The following PMS2 variants were observed in gnomAD, a reference collection of about 807,000 sequenced individuals.
PMS2 encodes the protein PMS1 homolog 2, mismatch repair system component.
In PMS2, 69 loss-of-function variants were observed where a neutral mutation model predicts 90.0. The ratio of observed to expected loss-of-function variants is 0.77; its 90% confidence interval spans 0.63 to 0.94. The LOEUF (loss-of-function observed/expected upper bound fraction) is 0.94. Ranked by LOEUF, PMS2 falls within the 40% of genes least tolerant of loss-of-function variation. The pLI is 0.00. For synonymous variants in PMS2, 332 were observed against 375.1 expected, an observed-to-expected ratio of 0.89 and a Z score of 1.33; for missense variants, 966 against 1,040.2, an observed-to-expected ratio of 0.93 and a Z score of 0.98.
At chr7:5,977,827 T>C in intron 13 of PMS2, 70 bp from the exon 14 acceptor site, 1 of 1,568,518 alleles carries the variant, frequency 6.4e-7, no homozygotes. Context: ...CTACTTAGGA[T>C]GAACATCTGA....
rs786201073 is a variant in PMS2 at position 6,002,594 on chromosome 7, T to C, written c.396A>G (p.Gly132=). 7 of 1,611,970 alleles carry C rather than the reference T, an allele frequency of 4.3e-6. No homozygotes were observed. Among genetic ancestry groups the C allele is most frequent in the Non-Finnish European group, 4.2e-6 (5 of 1,179,816 alleles). The change falls in exon 5 of 15, where the codon GGA becomes GGG. Residue 132 remains glycine, a synonymous_variant. Transcript: ENST00000265849. Reference sequence around the variant, plus strand: ...CATTGTGATCAAACATCAGTCGAGTTCCAACCTTCGCCGATGCGTGGCAGG... The same window carrying C: ...CATTGTGATCAAACATCAGTCGAGTCCCAACCTTCGCCGATGCGTGGCAGG... ...ISTCHASAKV[G]TRLMFDHNGK...
At chr7:5,994,073 G>A (rs972752650) in intron 8 of PMS2, among the ~76,000 whole-genome samples, 8 of 151,500 alleles carry the variant, frequency 5.3e-5, no homozygotes, top group Admixed American at 1.3e-4. Flanking sequence ...ACACACTCAC[G>A]TATATGCAAT....
chr7:6,007,815 G>A (rs1786001617), intron 1 of PMS2, among the ~76,000 whole-genome samples: 1 of 150,164 alleles, frequency 6.7e-6, no homozygotes, highest in African/African-American at 2.5e-5. Flanking sequence ...CTAAAAATAA[G>A]TTTATTTGGC....
chr7:5,989,980 T>G (rs1351413177), intron 9 of PMS2, 25 bp from the exon 10 acceptor site: 6 of 1,408,628 alleles, frequency 4.3e-6, no homozygotes, highest in Non-Finnish European at 6.0e-6. Context: ...AAAACATATT[T>G]ATTATGTTTA....
At chr7:5,994,251 C>T (rs368643632) in intron 8 of PMS2, among the ~76,000 whole-genome samples, 2 of 151,368 alleles carry the variant, frequency 1.3e-5, no homozygotes, top group East Asian at 2.0e-4. Context: ...CGTGGTGGCG[C>T]GCGCCTGTAA....
At position 6,003,810 on chromosome 7, in the gene PMS2, G is replaced by A. The variant is rs766811365; in HGVS notation, c.251-18C>T. 1 of 1,517,256 alleles carries A rather than the reference G, an allele frequency of 6.6e-7. No homozygotes were observed. Among genetic ancestry groups the A allele is most frequent in the South Asian group, 1.1e-5 (1 of 88,806 alleles). 94.0% of individuals were successfully genotyped at this position (1,517,256 alleles called of 1,614,324 possible). A position where few individuals can be genotyped will look rare whatever the true frequency, so the allele number is the denominator to read the frequency against. On this transcript the variant is annotated intron_variant, in intron 3 of 14. Transcript: ENST00000265849. Reference sequence around the variant, plus strand: ...TTTCAGAGCTGAAAGAGAGTGTAAAGTAAGGACTAAGATATCTCAAGTGCT... The same window carrying A: ...TTTCAGAGCTGAAAGAGAGTGTAAAATAAGGACTAAGATATCTCAAGTGCT...
chr7:5,987,686 G>A lies in PMS2; in HGVS notation c.1145-66C>T, dbSNP rs189384330. The stretch of plus-strand genomic sequence containing the variant: ...TGAAATGGTGAGAGGACGTGCTTAT[G>A]TGAACAGATACTTCACAAAAGAGGA... On this transcript the variant is annotated intron_variant, in intron 10 of 14. Coordinates refer to ENST00000265849, the MANE Select transcript of PMS2 (RefSeq NM_000535.7). 1.0e-4 allele frequency: 97 copies of A among 946,024 alleles called. No individual in the cohort carries two copies. The East Asian group carries it at 2.3e-3, about 22-fold the overall frequency. The allele number at this position is 946,024 out of a possible 1,614,324, so 58.6% of individuals were successfully genotyped here. A position where few individuals can be genotyped will look rare whatever the true frequency, so the allele number is the denominator to read the frequency against.
At chr7:5,983,651 C>CA (rs1189623315) in intron 11 of PMS2, among the ~76,000 whole-genome samples, 1 of 146,528 alleles carries the variant, frequency 6.8e-6, no homozygotes, top group Non-Finnish European at 1.5e-5. Flanking sequence ...ATTATTTTTT[C>CA]TTTTTTTTTT....
At chr7:5,995,038 ATATATATATAT>A (rs1784223334) in intron 8 of PMS2, among the ~76,000 whole-genome samples, 1 of 151,882 alleles carries the variant, frequency 6.6e-6, no homozygotes, top group African/African-American at 2.4e-5. Context: ...GTAGAAAAAA[ATATATATATAT>A]TTTTTTGAAA....
In PMS2 at chr7:5,997,535, A is replaced by C. The variant is rs998393869; in HGVS notation, c.706-112T>G. ...ACATTACAAGCGCAAAAAAAATTAA[A>C]AGAATCTTTTGTTTTGTTTTGTTTT... On this transcript the variant is annotated intron_variant, in intron 6 of 14. Coordinates refer to ENST00000265849, the MANE Select transcript of PMS2 (RefSeq NM_000535.7). 4 of 703,716 alleles carry C rather than the reference A, an allele frequency of 5.7e-6. No individual in the cohort carries two copies. In the African/African-American group the frequency reaches 7.3e-5, roughly 13 times the overall value. The allele number at this position is 703,716 out of a possible 1,614,324, so 43.6% of individuals were successfully genotyped here.
intron 8 of PMS2, among the ~76,000 whole-genome samples, chr7:5,992,326 C>T (rs7776504): frequency 0.35 from 50,988 of 145,788 alleles, 9,484 homozygotes; most frequent in Non-Finnish European, 0.42. Context: ...ATTTTTTTTT[C>T]TTTTTTTTTT....
intron 9 of PMS2, 103 bp downstream of exon 9, chr7:5,991,870 C>A (rs952517640): frequency 6.7e-5 from 49 of 732,312 alleles, no homozygotes; most frequent in Non-Finnish European, 1.1e-4. Flanking sequence ...ACTTACATGA[C>A]CATAAATTGT....
At chr7:5,992,278 C>T (rs1269662576) in intron 8 of PMS2, among the ~76,000 whole-genome samples, 1 of 151,508 alleles carries the variant, frequency 6.6e-6, no homozygotes, top group Non-Finnish European at 1.5e-5. Flanking sequence ...AGTGATCCTC[C>T]TGTGTCAGCC....
chr7:5,975,968 C>T (rs375303906), intron 14 of PMS2, among the ~76,000 whole-genome samples: 5,932 of 134,296 alleles, frequency 0.044, 81 homozygotes, highest in South Asian at 0.076. Flanking sequence ...AGGCCAGGTG[C>T]GGTGGCTCAC....
Position 6,000,980 on chromosome 7 carries a change from G to C in PMS2, c.537+1473C>G, listed in dbSNP as rs892915721. Among the ~76,000 whole-genome samples the C allele has an allele frequency of 9.2e-5, 14 of 152,116 alleles. No individual in the cohort carries two copies. In the South Asian group the frequency reaches 1.2e-3, roughly 14 times the overall value. Reference sequence around the variant, plus strand: ...CACTCCAGCCTGGGCGACAGAGTGAGAAGACTCCATCTAAAAAAAAAGAAA... The same window carrying C: ...CACTCCAGCCTGGGCGACAGAGTGACAAGACTCCATCTAAAAAAAAAGAAA... On this transcript the variant is annotated intron_variant, in intron 5 of 14. Transcript: ENST00000265849.
At chr7:5,992,569 C>T (rs186787175) in intron 8 of PMS2, among the ~76,000 whole-genome samples, 141 of 152,300 alleles carry the variant, frequency 9.3e-4, no homozygotes, top group Non-Finnish European at 1.6e-3. Context: ...ATCCGCCCGC[C>T]TCAACCTCCC....
chr7:5,992,210 C>A (rs1172342605), intron 8 of PMS2, among the ~76,000 whole-genome samples, 153 bp from the exon 9 acceptor site: 1 of 151,478 alleles, frequency 6.6e-6, no homozygotes, highest in African/African-American at 2.4e-5. Flanking sequence ...CGCCTTGTCA[C>A]AGCCTGGAGT....
At chr7:6,008,915 C>T (rs2128864784) in intron 1 of PMS2, 82 bp downstream of exon 1, 1 of 1,529,236 alleles carries the variant, frequency 6.5e-7, no homozygotes, top group Middle Eastern at 2.1e-4. Context: ...ATGTTCCCCC[C>T]ATTTCCAGGG....
intron 7 of PMS2, 145 bp downstream of exon 7, chr7:5,997,180 CT>C (rs1341520814): frequency 6.3e-6 from 4 of 639,276 alleles, no homozygotes; most frequent in Non-Finnish European, 1.1e-5. Context: ...CACCATTGCA[CT>C]CCAGCCTGGG....
Sources: allele counts gnomAD v4.1 joint callset (sites outside exome capture counted in the v4.1 genomes callset), GRCh38; gene constraint gnomAD v4.1.1; transcripts MANE v1.5; gene names NCBI Gene and HGNC (gene_info 2026-07-23, HGNC 2026-07-21).